Variants in MAPKAPK5 observed in about 807,000 individuals in gnomAD.
MAPKAPK5 encodes the protein MAPK activated protein kinase 5.
MAPKAPK5 carries 30 observed loss-of-function variants against 65.1 expected under a neutral mutation model. The observed-to-expected ratio is 0.46, with a 90% CI of 0.34 to 0.63. The LOEUF (loss-of-function observed/expected upper bound fraction) is 0.63. MAPKAPK5 is among the 20% of genes least tolerant of loss of function. The pLI, the probability that MAPKAPK5 is intolerant of heterozygous loss-of-function variation, is 0.01. For synonymous variants in MAPKAPK5, 179 were observed against 204.6 expected, an observed-to-expected ratio of 0.87 and a Z score of 1.07; for missense variants, 433 against 581.4, an observed-to-expected ratio of 0.74 and a Z score of 2.63.
At chr12:111,855,356 G>C (rs2069200031) in intron 1 of MAPKAPK5, among the ~76,000 whole-genome samples, 1 of 152,084 alleles carries the variant, frequency 6.6e-6, no homozygotes, top group Non-Finnish European at 1.5e-5. Context: ...AAAGGTAGAA[G>C]GTTAGGTTAG....
Position 111,901,636 on chromosome 12 carries a change from A to AAAAG in MAPKAPK5, c.*8578_*8581dup, listed in dbSNP as rs770492623. The AAAAG allele has an allele frequency of 2.8e-4, 78 of 274,362 alleles. No individual in the cohort carries two copies. Among genetic ancestry groups the AAAAG allele is most frequent in the Non-Finnish European group, 5.2e-4 (73 of 139,432 alleles). The allele number at this position is 274,362 out of a possible 1,614,324, so 17.0% of individuals were successfully genotyped here. On this transcript the variant is annotated 3_prime_UTR_variant, in exon 14 of 14. Coordinates refer to ENST00000550735, the MANE Select transcript of MAPKAPK5 (RefSeq NM_003668.4). ...AAGCAGCAGAAGTGGCCACAGAAGAAAAAGAAGAGAAGGAGGAAGAAAAAG... is the reference window on the plus strand; with the variant it reads ...AAGCAGCAGAAGTGGCCACAGAAGAAAAAGAAAGAAGAGAAGGAGGAAGAAAAAG...
rs1185257958 is a variant in MAPKAPK5, at chr12:111,902,073, C to A, written c.*9012C>A. ...TATGTACCTGAATTTATTACTAACT[C>A]TGGGATTTTCATTTTAAGTAACAAC... On this transcript the variant is annotated 3_prime_UTR_variant, in exon 14 of 14. Coordinates refer to ENST00000550735, the MANE Select transcript of MAPKAPK5 (RefSeq NM_003668.4). The A allele has an allele frequency of 2.0e-5, 3 of 152,266 alleles. No individual in the cohort carries two copies. The highest frequency in any genetic ancestry group is 4.4e-5 in the Non-Finnish European group (3 of 68,136). The allele number at this position is 152,266 out of a possible 1,614,324, so 9.4% of individuals were successfully genotyped here. A position where few individuals can be genotyped will look rare whatever the true frequency, so the allele number is the denominator to read the frequency against.
chr12:111,853,222 A>G (rs61293998), intron 1 of MAPKAPK5, among the ~76,000 whole-genome samples: 2 of 151,960 alleles, frequency 1.3e-5, no homozygotes. Context: ...AATACAAAAA[A>G]CTAGCCAGGC....
At chr12:111,876,459 ATAAAAGT>A (rs1341955606) in intron 7 of MAPKAPK5, among the ~76,000 whole-genome samples, 1 of 152,138 alleles carries the variant, frequency 6.6e-6, no homozygotes, top group Non-Finnish European at 1.5e-5. Context: ...TGAACCCAAA[ATAAAAGT>A]TAAAAAAAAA....
intron 1 of MAPKAPK5, among the ~76,000 whole-genome samples, chr12:111,848,458 G>T (rs1342619436): frequency 6.8e-6 from 1 of 146,748 alleles, no homozygotes; most frequent in Non-Finnish European, 1.5e-5. Flanking sequence ...CAGTCGCCCA[G>T]GCTGGAGCAC....
chr12:111,890,165 C>T, intron 13 of MAPKAPK5, 21 bp downstream of exon 13: 1 of 1,496,436 alleles, frequency 6.7e-7, no homozygotes, highest in Middle Eastern at 1.7e-4. Flanking sequence ...TCATCAACTC[C>T]CTTCCCCAGG....
intron 1 of MAPKAPK5, among the ~76,000 whole-genome samples, chr12:111,852,955 A>G (rs530636376): frequency 2.0e-5 from 3 of 152,064 alleles, no homozygotes; most frequent in East Asian, 1.9e-4. Context: ...TGTATTTTCA[A>G]TAGAGACAGG....
intron 8 of MAPKAPK5, among the ~76,000 whole-genome samples, chr12:111,881,879 C>T (rs1198265612): frequency 1.3e-5 from 2 of 152,138 alleles, no homozygotes. Context: ...TGCTGTGGCT[C>T]CACTACTCTT....
intron 5 of MAPKAPK5, 58 bp from the exon 6 acceptor site, chr12:111,870,212 AG>A: frequency 1.7e-6 from 2 of 1,175,458 alleles, no homozygotes; most frequent in Non-Finnish European, 2.5e-6. Context: ...TCTCTACGCC[AG>A]GTGTATTAAA....
At chr12:111,888,324 C>T in intron 10 of MAPKAPK5, 164 bp from the exon 11 acceptor site, 4 of 906,740 alleles carry the variant, frequency 4.4e-6, no homozygotes, top group Non-Finnish European at 6.3e-6. Flanking sequence ...TCCTGTTGAT[C>T]CATGGGGAAA....
chr12:111,853,371 C>G (rs1017156662), intron 1 of MAPKAPK5, among the ~76,000 whole-genome samples: 8 of 140,780 alleles, frequency 5.7e-5, no homozygotes, highest in African/African-American at 2.1e-4. Flanking sequence ...AACTTCGTCT[C>G]AAAAAAAAAA....
rs757067584 is a variant in MAPKAPK5 at position 111,843,601 on chromosome 12, C to A, written c.36+832C>A. On this transcript the variant is annotated intron_variant, in intron 1 of 13. Coordinates refer to ENST00000550735, the MANE Select transcript of MAPKAPK5 (RefSeq NM_003668.4). ...GTCAGCCCAGTGCATTGAATAATTT[C>A]ATTTTATCTTGAAGGACAGGCATCT... Among the ~76,000 whole-genome samples, 4 of 152,154 alleles carry A rather than the reference C, an allele frequency of 2.6e-5. No individual in the cohort carries two copies. The South Asian group carries it at 8.3e-4, about 31-fold the overall frequency.
intron 1 of MAPKAPK5, among the ~76,000 whole-genome samples, chr12:111,858,747 T>A (rs2069330014): frequency 6.8e-6 from 1 of 146,692 alleles, no homozygotes; most frequent in Non-Finnish European, 1.5e-5. Flanking sequence ...TTCACTGTGT[T>A]GGCCGGGCTG....
At position 111,897,484 on chromosome 12, in the gene MAPKAPK5, CAT is replaced by C. The variant is rs2070863220; in HGVS notation, c.*4424_*4425del. 6.6e-6 allele frequency: 1 copy of C among 152,066 alleles called. No homozygotes were observed. The highest frequency in any genetic ancestry group is 1.5e-5 in the Non-Finnish European group (1 of 68,012). The allele number at this position is 152,066 out of a possible 1,614,324, so 9.4% of individuals were successfully genotyped here. A position where few individuals can be genotyped will look rare whatever the true frequency, so the allele number is the denominator to read the frequency against. ...TTATTTAAAGAGTAGAGTGTTCTTC[CAT>C]TATTGAATCTTCTTTTATCCCACCA... On this transcript the variant is annotated 3_prime_UTR_variant, in exon 14 of 14. Coordinates refer to ENST00000550735, the MANE Select transcript of MAPKAPK5 (RefSeq NM_003668.4).
In MAPKAPK5 at chr12:111,866,048, C is replaced by T. The variant is rs1244574681; in HGVS notation, c.111-108C>T. 19 of 847,928 alleles carry T rather than the reference C, an allele frequency of 2.2e-5. No individual in the cohort carries two copies. The African/African-American group carries it at 2.4e-4, about 11-fold the overall frequency. The allele number at this position is 847,928 out of a possible 1,614,324, so 52.5% of individuals were successfully genotyped here. ...GGGGGCAAGTTTGTTCTGGATGCACCTGGCCATATCCTTGATGAGAAGTAC... is the reference window on the plus strand; with the variant it reads ...GGGGGCAAGTTTGTTCTGGATGCACTTGGCCATATCCTTGATGAGAAGTAC... On this transcript the variant is annotated intron_variant, in intron 2 of 13. Coordinates refer to ENST00000550735, the MANE Select transcript of MAPKAPK5 (RefSeq NM_003668.4).
At position 111,897,674 on chromosome 12, in the gene MAPKAPK5, T is replaced by C. The variant is rs2070869201; in HGVS notation, c.*4613T>C. ...TTCACTTTTCTTGCTGTAAATTTTTTTAGTGGGTTTGTGACAGTATAAATT... is the reference window on the plus strand; with the variant it reads ...TTCACTTTTCTTGCTGTAAATTTTTCTAGTGGGTTTGTGACAGTATAAATT... On this transcript the variant is annotated 3_prime_UTR_variant, in exon 14 of 14. Coordinates refer to ENST00000550735, the MANE Select transcript of MAPKAPK5 (RefSeq NM_003668.4). 6.6e-6 allele frequency: 1 copy of C among 152,218 alleles called. No homozygotes were observed. Among genetic ancestry groups the C allele is most frequent in the African/African-American group, 2.4e-5 (1 of 41,464 alleles). 9.4% of individuals were successfully genotyped at this position (152,218 alleles called of 1,614,324 possible). A position where few individuals can be genotyped will look rare whatever the true frequency, so the allele number is the denominator to read the frequency against.
intron 8 of MAPKAPK5, among the ~76,000 whole-genome samples, chr12:111,881,490 C>T (rs551790382): frequency 2.0e-5 from 3 of 150,990 alleles, no homozygotes; most frequent in Non-Finnish European, 4.4e-5. Flanking sequence ...CTGCAACCTC[C>T]GCCTCCCGGG....
At chr12:111,860,107 C>G (rs935637502) in intron 1 of MAPKAPK5, among the ~76,000 whole-genome samples, 4 of 152,278 alleles carry the variant, frequency 2.6e-5, no homozygotes, top group African/African-American at 9.6e-5. Flanking sequence ...TTCTTCCCAG[C>G]CTGGCTTTTG....
intron 1 of MAPKAPK5, among the ~76,000 whole-genome samples, chr12:111,847,787 T>C (rs2158030): frequency 0.2 from 29,736 of 152,168 alleles, 3,126 homozygotes; most frequent in Middle Eastern, 0.27. Context: ...CAGTCAGCCC[T>C]GTTCCCATTC....
Sources: allele counts gnomAD v4.1 joint callset (sites outside exome capture counted in the v4.1 genomes callset), GRCh38; gene constraint gnomAD v4.1.1; transcripts MANE v1.5; gene names NCBI Gene and HGNC (gene_info 2026-07-23, HGNC 2026-07-21).